RAB11FIP3: variants seen among roughly 807,000 people sequenced by gnomAD.
RAB11FIP3 encodes RAB11 family interacting protein 3, also known as rab11 family-interacting protein 3.
A neutral mutation model predicts 77.8 loss-of-function variants in RAB11FIP3; 17 were observed. The observed-to-expected ratio is 0.22, with a 90% CI of 0.15 to 0.33. RAB11FIP3 has a LOEUF of 0.33. RAB11FIP3 is among the 10% of genes least tolerant of loss of function. RAB11FIP3 has a pLI of 1.00. For missense variants in RAB11FIP3, 1,005 were observed against 1,011.2 expected (o/e 0.99, Z 0.08); for synonymous variants, 437 against 448.2 (o/e 0.98, Z 0.31).
chr16:475,049 T>A (rs2055876285), intron 3 of RAB11FIP3: 1 of 1,551,522 alleles, frequency 6.4e-7, no homozygotes, highest in East Asian at 2.4e-5. Context: ...CCTGAAGGTG[T>A]GTACAGAGCC....
chr16:493,885 C>G (rs2030847337), intron 5 of RAB11FIP3, among the ~76,000 whole-genome samples: 1 of 146,108 alleles, frequency 6.8e-6, no homozygotes, highest in African/African-American at 2.6e-5. Context: ...GCCACTGCAC[C>G]CAGCCTGCCT....
At chr16:520,378 C>A in intron 12 of RAB11FIP3, 81 bp from the exon 13 acceptor site, 1 of 1,590,634 alleles carries the variant, frequency 6.3e-7, no homozygotes, top group Non-Finnish European at 8.6e-7. Flanking sequence ...GAGCTGGAGG[C>A]CTTTTTCCCC....
intron 4 of RAB11FIP3, among the ~76,000 whole-genome samples, chr16:485,135 C>T (rs1284571141): frequency 1.1e-4 from 16 of 152,084 alleles, no homozygotes; most frequent in African/African-American, 3.1e-4. Flanking sequence ...GCAGGCCACG[C>T]AGCCCCCGTG....
chr16:430,848 T>A (rs984578372), intron 1 of RAB11FIP3, among the ~76,000 whole-genome samples: 9 of 152,236 alleles, frequency 5.9e-5, no homozygotes, highest in African/African-American at 1.9e-4. Context: ...CAAACATTTT[T>A]AAAAATTATT....
chr16:437,251 C>G (rs2055145245), intron 1 of RAB11FIP3, among the ~76,000 whole-genome samples: 1 of 151,086 alleles, frequency 6.6e-6, no homozygotes, highest in African/African-American at 2.4e-5. Context: ...GCACTCCAGC[C>G]TGGGCGACAG....
chr16:463,430 GTTTTTT>G (rs142875972), intron 2 of RAB11FIP3, among the ~76,000 whole-genome samples: 4 of 82,276 alleles, frequency 4.9e-5, no homozygotes, highest in African/African-American at 1.9e-4. Flanking sequence ...TTGTTCCCCG[GTTTTTT>G]TTTTTTTTTT....
chr16:518,000 T>C (rs993516190), intron 9 of RAB11FIP3, among the ~76,000 whole-genome samples: 5 of 152,152 alleles, frequency 3.3e-5, no homozygotes, highest in Non-Finnish European at 7.3e-5. Context: ...GAGAATGGCG[T>C]GAACCCGGAA....
chr16:492,397 C>CCCGAGGCCGCCCAGAGCCCTCCCCG (rs2030478035), intron 5 of RAB11FIP3, among the ~76,000 whole-genome samples: 1 of 127,740 alleles, frequency 7.8e-6, no homozygotes, highest in Non-Finnish European at 1.7e-5. Context: ...GAGCCCTCCC[C>CCCGAGGCCGCCCAGAGCCCTCCCCG]GGGAGACCCG....
rs1006151175 is a variant in RAB11FIP3 at position 474,850 on chromosome 16, A to G, written c.903+3461A>G. On this transcript the variant is annotated intron_variant, in intron 3 of 13. Transcript: ENST00000262305. ...CCTGGGCAACACCAGCAGGAGGTTT[A>G]TTAGAGCGTGTCTGGGAGCAGGTTA... 16 of 1,445,224 alleles carry G rather than the reference A, an allele frequency of 1.1e-5. No individual in the cohort carries two copies. The African/African-American group carries it at 1.6e-4, about 14-fold the overall frequency. The allele number at this position is 1,445,224 out of a possible 1,614,324, so 89.5% of individuals were successfully genotyped here.
At position 514,883 on chromosome 16, in the gene RAB11FIP3, G is replaced by C. The variant is rs559769095; in HGVS notation, c.1641-4060G>C. On this transcript the variant is annotated intron_variant, in intron 9 of 13. Transcript: ENST00000262305. The surrounding 1 kb of genome is among the most constrained non-coding windows in gnomAD (Gnocchi z 4.6). ...GGTACATGGCCCATCATCAGGCACA[G>C]AGTGAACTGGGTGAACGTGGCCCTG... Among the ~76,000 whole-genome samples, 2 of 152,372 alleles carry C rather than the reference G, an allele frequency of 1.3e-5. No individual in the cohort carries two copies. The highest frequency in any genetic ancestry group is 4.8e-5 in the African/African-American group (2 of 41,590).
chr16:437,000 G>C (rs2055140679), intron 1 of RAB11FIP3, among the ~76,000 whole-genome samples: 1 of 152,080 alleles, frequency 6.6e-6, no homozygotes, highest in African/African-American at 2.4e-5. Flanking sequence ...GAGGAGTCGG[G>C]TGCAGTGGCT....
intron 3 of RAB11FIP3, chr16:475,080 C>T: frequency 6.4e-7 from 1 of 1,551,364 alleles, no homozygotes. Context: ...TGTGAGGCCA[C>T]CCGGGCCAGC....
chr16:490,816 A>G (rs1039359312), intron 5 of RAB11FIP3, among the ~76,000 whole-genome samples: 18 of 152,306 alleles, frequency 1.2e-4, no homozygotes, highest in Middle Eastern at 3.4e-3. Context: ...CCTTCTTGTT[A>G]AAGAAGGGCT....
At chr16:451,721 G>A (rs2055411501) in intron 1 of RAB11FIP3, among the ~76,000 whole-genome samples, 1 of 152,134 alleles carries the variant, frequency 6.6e-6, no homozygotes, top group African/African-American at 2.4e-5. Flanking sequence ...TATAATCCTA[G>A]CTCCTTGGGA....
At chr16:470,070 C>T (rs1385968325) in intron 2 of RAB11FIP3, among the ~76,000 whole-genome samples, 1 of 151,846 alleles carries the variant, frequency 6.6e-6, no homozygotes, top group Non-Finnish European at 1.5e-5. Flanking sequence ...GATTTCGGCT[C>T]CCTGAAACAT....
At chr16:427,992 T>G (rs2054978895) in intron 1 of RAB11FIP3, among the ~76,000 whole-genome samples, 1 of 151,760 alleles carries the variant, frequency 6.6e-6, no homozygotes, top group South Asian at 2.1e-4. Context: ...TCCTAGCTAC[T>G]CGGGAGGCTG....
chr16:468,312 G>A (rs1465899011), intron 2 of RAB11FIP3, among the ~76,000 whole-genome samples: 2 of 150,966 alleles, frequency 1.3e-5, no homozygotes, highest in African/African-American at 4.9e-5. Flanking sequence ...AGGAGGTCCT[G>A]GGGCGTCAGG....
intron 8 of RAB11FIP3, 109 bp from the exon 9 acceptor site, chr16:510,551 C>G: frequency 1.5e-5 from 20 of 1,303,030 alleles, no homozygotes; most frequent in Non-Finnish European, 2.0e-5. Context: ...GTGCCCTACT[C>G]CCGAGTGGAG....
In RAB11FIP3 at chr16:505,712, C is replaced by A; in HGVS notation, c.1499+85C>A. On this transcript the variant is annotated intron_variant, in intron 8 of 13. Coordinates refer to ENST00000262305, the MANE Select transcript of RAB11FIP3 (RefSeq NM_014700.4). The surrounding 1 kb of genome is among the most constrained non-coding windows in gnomAD (Gnocchi z 4.0). ...CCCCCATTTACTTCTCTTTACCTCA[C>A]ACAGCAGGGGCTTGGCCACCCGTCC... 1.7e-6 allele frequency: 2 copies of A among 1,190,824 alleles called. No homozygotes were observed. The highest frequency in any genetic ancestry group is 2.3e-6 in the Non-Finnish European group (2 of 851,998). 73.8% of individuals were successfully genotyped at this position (1,190,824 alleles called of 1,614,324 possible).
Sources: gnomAD v4.1 joint callset for allele counts (sites outside exome capture counted in the v4.1 genomes callset) on GRCh38, gnomAD v4.1.1 for gene constraint, Gnocchi (gnomAD v3.1) non-coding constraint, MANE v1.5 for transcripts, NCBI Gene and HGNC (gene_info 2026-07-23, HGNC 2026-07-21) for gene names.